The following LRRK2 variants were observed in gnomAD, a reference collection of about 807,000 sequenced individuals.
LRRK2 encodes the protein leucine-rich repeat serine/threonine-protein kinase 2.
In LRRK2, 203 loss-of-function variants were observed where a neutral mutation model predicts 302.6. That is an observed-to-expected ratio of 0.67 (90% CI 0.60 to 0.75). LRRK2 has a LOEUF of 0.75. LRRK2 is among the 30% of genes least tolerant of loss of function. The pLI is 0.00. For synonymous variants in LRRK2, 1,066 were observed against 1,031.9 expected (o/e 1.03, Z -0.63); for missense variants, 2,830 against 2,951.0 (o/e 0.96, Z 0.95).
chr12:40,360,560 C>T lies in LRRK2; in HGVS notation c.7028+1116C>T, dbSNP rs141258178. Among the ~76,000 whole-genome samples the T allele has an allele frequency of 1.4e-4, 22 of 152,216 alleles. No individual in the cohort carries two copies. In the East Asian group the frequency reaches 3.7e-3, roughly 25 times the overall value. On this transcript the variant is annotated intron_variant, in intron 47 of 50. Transcript: ENST00000298910. ...AGTTCTCACCCTCTGATTATACTCT[C>T]TTCAACATATTTTCAGCATTGCAGA...
At chr12:40,334,893 T>A in intron 39 of LRRK2, 74 bp from the exon 40 acceptor site, 2 of 1,490,800 alleles carry the variant, frequency 1.3e-6, no homozygotes, top group Non-Finnish European at 1.9e-6. Context: ...AGCCTGTTGA[T>A]GCACTTTAAA....
intron 5 of LRRK2, among the ~76,000 whole-genome samples, 200 bp downstream of exon 5, chr12:40,238,303 G>A (rs1405485746): frequency 1.3e-5 from 2 of 152,070 alleles, no homozygotes; most frequent in Admixed American, 6.6e-5. Flanking sequence ...TCATTCGTGG[G>A]TTATAAATCA....
At chr12:40,326,466 A>C (rs963531517) in intron 38 of LRRK2, among the ~76,000 whole-genome samples, 1 of 138,050 alleles carries the variant, frequency 7.2e-6, no homozygotes, top group Non-Finnish European at 1.6e-5. Context: ...ACTCTGTCTC[A>C]AAAAAAAAAA....
chr12:40,306,084 A>G, intron 28 of LRRK2, 118 bp downstream of exon 28: 1 of 764,078 alleles, frequency 1.3e-6, no homozygotes, highest in East Asian at 2.7e-5. Context: ...AATATTTGGC[A>G]TTAATATGCT....
At chr12:40,291,233 A>C (rs1234999414) in intron 20 of LRRK2, among the ~76,000 whole-genome samples, 1 of 151,714 alleles carries the variant, frequency 6.6e-6, no homozygotes, top group Non-Finnish European at 1.5e-5. Flanking sequence ...GAACAATGAG[A>C]ACACTTGGAC....
intron 1 of LRRK2, 48 bp from the exon 2 acceptor site, chr12:40,225,507 G>C (rs1940825603): frequency 1.3e-6 from 2 of 1,491,532 alleles, no homozygotes; most frequent in Admixed American, 3.3e-5. Context: ...GAGAGGGGGT[G>C]CTGTGGATTG....
At chr12:40,351,027 C>A (rs1208106324) in intron 43 of LRRK2, among the ~76,000 whole-genome samples, 1 of 152,132 alleles carries the variant, frequency 6.6e-6, no homozygotes, top group Non-Finnish European at 1.5e-5. Context: ...CATGTCACAG[C>A]TCTAATCCCA....
intron 13 of LRRK2, 45 bp downstream of exon 13, chr12:40,259,649 G>A: frequency 6.2e-7 from 1 of 1,608,002 alleles, no homozygotes; most frequent in Non-Finnish European, 8.5e-7. Flanking sequence ...AATTTAAATG[G>A]ATTTTTGATT....
chr12:40,365,879 A>T (rs911372275), intron 49 of LRRK2: 1 of 151,940 alleles, frequency 6.6e-6, no homozygotes, highest in African/African-American at 2.4e-5. Flanking sequence ...GATGCTCTTA[A>T]TGACTGTAAA....
chr12:40,272,278 G>A (rs1207906299), intron 14 of LRRK2, among the ~76,000 whole-genome samples: 3 of 151,988 alleles, frequency 2.0e-5, no homozygotes, highest in Non-Finnish European at 2.9e-5. Flanking sequence ...ACTTTTTTTT[G>A]TAGAAGATAC....
At chr12:40,303,715 G>A (rs1452843898) in intron 26 of LRRK2, among the ~76,000 whole-genome samples, 2 of 152,030 alleles carry the variant, frequency 1.3e-5, no homozygotes, top group East Asian at 1.9e-4. Flanking sequence ...CCCTACGATA[G>A]CCACTGTTAT....
At position 40,302,880 on chromosome 12, in the gene LRRK2, A is replaced by G; in HGVS notation, c.3588A>G (p.Pro1196=). 6.5e-7 allele frequency: 1 copy of G among 1,548,642 alleles called. No individual in the cohort carries two copies. Among genetic ancestry groups the G allele is most frequent in the East Asian group, 2.3e-5 (1 of 44,358 alleles). ...TTCCAGAAGCAATTTTAAATCTTCC[A>G]CAGTAAGTTTATTGTTATTTTAATT... ...SCIPEAILNL[P]HLRSLDMSSN... is the part of the protein sequence containing the mutation. The change falls in exon 26 of 51, where the codon CCA becomes CCG. Residue 1196 remains proline, a splice_region_variant and synonymous_variant. Coordinates refer to ENST00000298910, the MANE Select transcript of LRRK2 (RefSeq NM_198578.4).
At chr12:40,330,655 CATATGATATAT>C (rs1228472451) in intron 39 of LRRK2, among the ~76,000 whole-genome samples, 1 of 152,080 alleles carries the variant, frequency 6.6e-6, no homozygotes, top group Non-Finnish European at 1.5e-5. Flanking sequence ...GGTGATGGGA[CATATGATATAT>C]ATATAGTAGT....
chr12:40,325,138 A>G (rs1391327375), intron 38 of LRRK2, among the ~76,000 whole-genome samples: 1 of 152,126 alleles, frequency 6.6e-6, no homozygotes, highest in East Asian at 1.9e-4. Flanking sequence ...ATACAAAAAA[A>G]TTAACTGGGT....
At chr12:40,342,121 C>A (rs1251071343) in intron 41 of LRRK2, among the ~76,000 whole-genome samples, 1 of 152,140 alleles carries the variant, frequency 6.6e-6, no homozygotes, top group Non-Finnish European at 1.5e-5. Context: ...TTGTTGAAGC[C>A]TTGTCTGCTT....
intron 18 of LRRK2, among the ~76,000 whole-genome samples, chr12:40,281,089 C>T (rs115072640): frequency 1.3e-5 from 2 of 149,160 alleles, no homozygotes; most frequent in Non-Finnish European, 3.0e-5. Context: ...AAACAAAAAA[C>T]GAACCAACCA....
intron 14 of LRRK2, among the ~76,000 whole-genome samples, chr12:40,266,107 C>G (rs773526741): frequency 3.9e-4 from 60 of 152,184 alleles, no homozygotes; most frequent in Non-Finnish European, 1.0e-4. Context: ...GCCTTCATGT[C>G]TAAAACACCA....
Position 40,354,336 on chromosome 12 carries a change from T to C in LRRK2, c.6614T>C (p.Val2205Ala). The C allele has an allele frequency of 6.2e-7, 1 of 1,614,122 alleles. No individual in the cohort carries two copies. The highest frequency in any genetic ancestry group is 8.5e-7 in the Non-Finnish European group (1 of 1,179,990). The change falls in exon 45 of 51, where the codon GTG (valine) becomes GCG (alanine). Residue 2205 changes from valine to alanine, a missense_variant. Transcript: ENST00000298910. ...AGTAGAATATTGTGCTTAGCCTTGG[T>C]GCATCTTCCTGTTGAAAAGGAAAGC... The part of the protein sequence containing the change: ...ADSRILCLAL[V>A]HLPVEKESWI...
intron 40 of LRRK2, among the ~76,000 whole-genome samples, chr12:40,340,017 T>A (rs1422667386): frequency 3.3e-5 from 5 of 152,172 alleles, no homozygotes; most frequent in African/African-American, 1.2e-4. Flanking sequence ...AAAAGAAAAG[T>A]CTCCAAAAAT....
Sources: gnomAD v4.1 joint callset for allele counts (sites outside exome capture counted in the v4.1 genomes callset) on GRCh38, gnomAD v4.1.1 for gene constraint, MANE v1.5 for transcripts, NCBI Gene and HGNC (gene_info 2026-07-23, HGNC 2026-07-21) for gene names.